Variants in LIPC observed in about 807,000 individuals in gnomAD.
LIPC encodes lipase C, hepatic type, also known as hepatic triacylglycerol lipase.
In LIPC, 44 loss-of-function variants were observed where a neutral mutation model predicts 50.7. The observed-to-expected ratio is 0.87, with a 90% CI of 0.68 to 1.11. LIPC has a LOEUF of 1.11. Among genes scored for constraint, LIPC ranks in the 50% most tolerant of loss-of-function variants. The pLI is 0.00. For synonymous variants in LIPC, 271 were observed against 256.4 expected, an observed-to-expected ratio of 1.06 and a Z score of -0.54; for missense variants, 697 against 648.2, an observed-to-expected ratio of 1.08 and a Z score of -0.82.
chr15:58,546,236 C>G (rs1893527567), intron 5 of LIPC, among the ~76,000 whole-genome samples: 1 of 152,222 alleles, frequency 6.6e-6, no homozygotes, highest in Non-Finnish European at 1.5e-5. Context: ...ACCTCCACTT[C>G]TCACTCCAGC....
chr15:58,496,608 T>A (rs1891773341), intron 1 of LIPC, among the ~76,000 whole-genome samples: 1 of 152,092 alleles, frequency 6.6e-6, no homozygotes, highest in South Asian at 2.1e-4. Flanking sequence ...GTCTGACTGT[T>A]TGAAATCAAT....
chr15:58,441,575 A>C (rs1237691100), intron 1 of LIPC, among the ~76,000 whole-genome samples: 1 of 152,176 alleles, frequency 6.6e-6, no homozygotes, highest in Non-Finnish European at 1.5e-5. Context: ...ATTGCAAGTC[A>C]GTTTCTGTGG....
At chr15:58,546,729 G>A (rs896700131) in intron 5 of LIPC, among the ~76,000 whole-genome samples, 2 of 152,044 alleles carry the variant, frequency 1.3e-5, no homozygotes, top group Admixed American at 1.3e-4. Flanking sequence ...AAGCCAAGTA[G>A]AGCCCTCCAC....
At chr15:58,444,166 A>G (rs574160747) in intron 1 of LIPC, among the ~76,000 whole-genome samples, 10 of 152,244 alleles carry the variant, frequency 6.6e-5, no homozygotes, top group African/African-American at 1.9e-4. Context: ...CTCTTGGTGT[A>G]TTATTGTTCA....
At chr15:58,555,681 C>T (rs899422316) in intron 6 of LIPC, among the ~76,000 whole-genome samples, 1 of 152,170 alleles carries the variant, frequency 6.6e-6, no homozygotes, top group African/African-American at 2.4e-5. Flanking sequence ...AGTGGGACTC[C>T]TTACAACAGG....
intron 6 of LIPC, among the ~76,000 whole-genome samples, chr15:58,558,185 A>C (rs1378730752): frequency 6.6e-6 from 1 of 150,686 alleles, no homozygotes; most frequent in Non-Finnish European, 1.5e-5. Flanking sequence ...CAATTCTCCT[A>C]CCTCAGCCTC....
At chr15:58,546,223 G>T (rs1215698880) in intron 5 of LIPC, among the ~76,000 whole-genome samples, 3 of 152,204 alleles carry the variant, frequency 2.0e-5, no homozygotes, top group African/African-American at 7.2e-5. Context: ...GGCACCAACA[G>T]GAACCTCCAC....
At chr15:58,548,658 G>C in intron 6 of LIPC, 86 bp downstream of exon 6, 1 of 1,511,082 alleles carries the variant, frequency 6.6e-7, no homozygotes, top group African/African-American at 1.4e-5. Context: ...CTTCTTTCCT[G>C]GAGGTGCTTC....
chr15:58,545,842 G>A lies in LIPC; in HGVS notation c.675G>A (p.Arg225=). 6.2e-7 allele frequency: 1 copy of A among 1,614,162 alleles called. No individual in the cohort carries two copies. The highest frequency in any genetic ancestry group is 8.5e-7 in the Non-Finnish European group (1 of 1,180,028). The part of the protein sequence containing the change: ...NFVDAIHTFT[R]EHMGLSVGIK... Reference sequence around the variant, plus strand: ...TGGATGCCATTCATACCTTTACCCGGGAGCACATGGGCCTGAGCGTGGGCA... The same window carrying A: ...TGGATGCCATTCATACCTTTACCCGAGAGCACATGGGCCTGAGCGTGGGCA... Residue 225 remains arginine, a synonymous_variant, in exon 5 of 9, where the codon CGG becomes CGA. Transcript: ENST00000299022.
At chr15:58,527,136 G>T (rs894716188) in intron 1 of LIPC, among the ~76,000 whole-genome samples, 26 of 152,240 alleles carry the variant, frequency 1.7e-4, no homozygotes, top group African/African-American at 6.3e-4. Context: ...AGGGGAAATA[G>T]TGCACATGCC....
chr15:58,461,638 G>A (rs527874929), intron 1 of LIPC, among the ~76,000 whole-genome samples: 5 of 150,888 alleles, frequency 3.3e-5, no homozygotes, highest in East Asian at 1.9e-4. Flanking sequence ...GGCTGGTCTC[G>A]AACTCCTGAC....
intron 6 of LIPC, among the ~76,000 whole-genome samples, chr15:58,560,628 T>A (rs1595955365): frequency 6.6e-6 from 1 of 152,076 alleles, no homozygotes; most frequent in Non-Finnish European, 1.5e-5. Context: ...TTGGTGAATA[T>A]TTATCATTAT....
chr15:58,546,730 A>C (rs1012823681), intron 5 of LIPC, among the ~76,000 whole-genome samples: 1 of 152,166 alleles, frequency 6.6e-6, no homozygotes, highest in Non-Finnish European at 1.5e-5. Flanking sequence ...AGCCAAGTAG[A>C]GCCCTCCACC....
At chr15:58,443,243 G>A (rs2140648856) in intron 1 of LIPC, among the ~76,000 whole-genome samples, 1 of 152,264 alleles carries the variant, frequency 6.6e-6, no homozygotes, top group East Asian at 1.9e-4. Context: ...GGGAGCCTGG[G>A]ACATATTCTC....
chr15:58,457,255 A>G (rs1209778940), intron 1 of LIPC, among the ~76,000 whole-genome samples: 2 of 152,172 alleles, frequency 1.3e-5, no homozygotes, highest in African/African-American at 4.8e-5. Context: ...GATTACAGGC[A>G]GGCACCACCA....
At chr15:58,543,873 G>C (rs542128179) in intron 4 of LIPC, among the ~76,000 whole-genome samples, 1 of 151,988 alleles carries the variant, frequency 6.6e-6, no homozygotes, top group Non-Finnish European at 1.5e-5. Flanking sequence ...CCACCATCTC[G>C]GCCTCCCAAA....
intron 6 of LIPC, among the ~76,000 whole-genome samples, chr15:58,549,955 C>T (rs560510428): frequency 2.0e-5 from 3 of 152,328 alleles, no homozygotes; most frequent in South Asian, 2.1e-4. Context: ...ATGGCAATGC[C>T]GCCTGGAGTG....
chr15:58,475,511 C>A (rs1249351921), intron 1 of LIPC, among the ~76,000 whole-genome samples: 1 of 152,202 alleles, frequency 6.6e-6, no homozygotes, highest in African/African-American at 2.4e-5. Context: ...ATTACCTTCT[C>A]TCCATCAGAT....
chr15:58,478,756 T>C (rs1293375240), intron 1 of LIPC, among the ~76,000 whole-genome samples: 1 of 152,198 alleles, frequency 6.6e-6, no homozygotes, highest in Non-Finnish European at 1.5e-5. Flanking sequence ...TTTTGTAACA[T>C]TTACAGAACT....
Sources: gnomAD v4.1 joint callset for allele counts (sites outside exome capture counted in the v4.1 genomes callset) on GRCh38, gnomAD v4.1.1 for gene constraint, MANE v1.5 for transcripts, NCBI Gene and HGNC (gene_info 2026-07-23, HGNC 2026-07-21) for gene names.